The following THSD7B variants were observed in gnomAD, a reference collection of about 807,000 sequenced individuals.
THSD7B encodes thrombospondin type-1 domain-containing protein 7B.
A neutral mutation model predicts 213.6 loss-of-function variants in THSD7B; 138 were observed. The observed-to-expected ratio is 0.65, with a 90% CI of 0.56 to 0.74. THSD7B has a LOEUF of 0.74. Ranked by LOEUF, THSD7B falls within the 30% of genes least tolerant of loss-of-function variation. The probability of loss-of-function intolerance (pLI) is 0.00; values close to 1 mark genes in which losing one functional copy is unlikely to be tolerated. For missense variants in THSD7B, 1,931 were observed against 1,991.5 expected, an observed-to-expected ratio of 0.97 and a Z score of 0.58; for synonymous variants, 742 against 687.0, an observed-to-expected ratio of 1.08 and a Z score of -1.25.
At chr2:136,786,933 A>T (rs1225717567) in intron 1 of THSD7B, among the ~76,000 whole-genome samples, 1 of 152,160 alleles carries the variant, frequency 6.6e-6, no homozygotes, top group Non-Finnish European at 1.5e-5. Flanking sequence ...TATTTAAAAA[A>T]AGGGGGTACA....
chr2:137,330,036 C>T (rs1364184341), intron 12 of THSD7B, among the ~76,000 whole-genome samples: 1 of 152,200 alleles, frequency 6.6e-6, no homozygotes, highest in African/African-American at 2.4e-5. Flanking sequence ...GCTGTTGCTT[C>T]AGAGGGTGCA....
At chr2:137,127,398 C>T (rs1000728411) in intron 5 of THSD7B, among the ~76,000 whole-genome samples, 3 of 152,050 alleles carry the variant, frequency 2.0e-5, no homozygotes, top group South Asian at 2.1e-4. Flanking sequence ...CACTGCATAC[C>T]TAATGATACT....
intron 1 of THSD7B, among the ~76,000 whole-genome samples, chr2:136,835,206 A>G (rs1244408597): frequency 6.6e-6 from 1 of 152,242 alleles, no homozygotes; most frequent in Non-Finnish European, 1.5e-5. Context: ...GTCATACAAC[A>G]AAACATAACA....
At chr2:137,332,973 A>G (rs150557167) in intron 12 of THSD7B, among the ~76,000 whole-genome samples, 8 of 152,310 alleles carry the variant, frequency 5.3e-5, no homozygotes, top group African/African-American at 1.9e-4. Flanking sequence ...ATATTCCTGT[A>G]AAACAGACTT....
At chr2:137,065,832 G>C (rs1470300492) in intron 3 of THSD7B, among the ~76,000 whole-genome samples, 1 of 152,020 alleles carries the variant, frequency 6.6e-6, no homozygotes, top group Non-Finnish European at 1.5e-5. Context: ...GGAGTATTCT[G>C]AATTGCTCTC....
chr2:137,486,229 G>T (rs914360436), intron 15 of THSD7B, among the ~76,000 whole-genome samples: 1 of 152,042 alleles, frequency 6.6e-6, no homozygotes, highest in African/African-American at 2.4e-5. Context: ...AGACCCATCA[G>T]TGTACTGTAT....
At chr2:136,833,478 A>G (rs1289560383) in intron 1 of THSD7B, among the ~76,000 whole-genome samples, 1 of 130,722 alleles carries the variant, frequency 7.6e-6, no homozygotes, top group East Asian at 2.3e-4. Flanking sequence ...TTTAATGACC[A>G]ATCTCTTTCC....
chr2:137,623,517 T>C (rs1682561893), intron 20 of THSD7B, among the ~76,000 whole-genome samples: 1 of 152,098 alleles, frequency 6.6e-6, no homozygotes, highest in Admixed American at 6.6e-5. Flanking sequence ...GGTATTCAAT[T>C]AGGAAAAGAG....
intron 15 of THSD7B, among the ~76,000 whole-genome samples, chr2:137,506,063 C>A (rs1679826695): frequency 6.6e-6 from 1 of 152,074 alleles, no homozygotes; most frequent in South Asian, 2.1e-4. Flanking sequence ...AAAAGCACAT[C>A]CCTGGGGAAG....
intron 16 of THSD7B, among the ~76,000 whole-genome samples, chr2:137,569,319 C>T (rs1032673626): frequency 6.6e-6 from 1 of 152,188 alleles, no homozygotes; most frequent in Admixed American, 6.5e-5. Context: ...GTTTAAGCCA[C>T]TAACTTTGTG....
At chr2:136,820,102 C>T (rs1335625053) in intron 1 of THSD7B, among the ~76,000 whole-genome samples, 1 of 152,144 alleles carries the variant, frequency 6.6e-6, no homozygotes, top group African/African-American at 2.4e-5. Flanking sequence ...TACTAAATAC[C>T]TTATTATTTG....
At chr2:136,963,562 T>A (rs1004528706) in intron 2 of THSD7B, among the ~76,000 whole-genome samples, 1 of 152,130 alleles carries the variant, frequency 6.6e-6, no homozygotes, top group Non-Finnish European at 1.5e-5. Flanking sequence ...GAGGATTGCC[T>A]GAGCCCAGAA....
intron 20 of THSD7B, among the ~76,000 whole-genome samples, chr2:137,623,873 G>A (rs967254044): frequency 1.3e-5 from 2 of 152,166 alleles, no homozygotes; most frequent in Admixed American, 1.3e-4. Flanking sequence ...TGTGTAGGAA[G>A]AATCAATATC....
intron 15 of THSD7B, among the ~76,000 whole-genome samples, chr2:137,491,101 G>A (rs1356880629): frequency 6.6e-6 from 1 of 152,168 alleles, no homozygotes; most frequent in Non-Finnish European, 1.5e-5. Context: ...TGACCCAAGG[G>A]TGAGTAATTT....
intron 15 of THSD7B, among the ~76,000 whole-genome samples, chr2:137,525,074 G>A (rs780882868): frequency 2.0e-5 from 3 of 152,064 alleles, no homozygotes; most frequent in African/African-American, 2.4e-5. Context: ...TCACAATGGT[G>A]GCACAATCTT....
chr2:136,983,502 GTTTT>G (rs35564943), intron 2 of THSD7B, among the ~76,000 whole-genome samples: 2 of 127,916 alleles, frequency 1.6e-5, no homozygotes, highest in African/African-American at 5.5e-5. Context: ...AGTAAAATCT[GTTTT>G]TTTTTTTTTT....
rs143737842 is a variant in THSD7B, at chr2:137,237,307, C to T, written c.2150+4174C>T. ...TTAAATTTTGACAAAAGGCAAGGGG[C>T]CATGTATGCTTACTAGCTAAAAAGT... On this transcript the variant is annotated intron_variant, in intron 9 of 27. Coordinates refer to ENST00000409968, the MANE Select transcript of THSD7B (RefSeq NM_001316349.2). Among the ~76,000 whole-genome samples the T allele has an allele frequency of 1.6e-3, 251 of 152,174 alleles. 1 individual carries two copies. Among genetic ancestry groups the T allele is most frequent in the African/African-American group, 5.9e-3 (243 of 41,506 alleles).
intron 1 of THSD7B, among the ~76,000 whole-genome samples, chr2:136,802,886 C>A (rs981386917): frequency 9.2e-5 from 14 of 151,688 alleles, no homozygotes; most frequent in African/African-American, 3.1e-4. Context: ...TTATTTAGAT[C>A]TTTATTATCA....
At chr2:136,886,963 T>A (rs1173492411) in intron 2 of THSD7B, among the ~76,000 whole-genome samples, 1 of 152,152 alleles carries the variant, frequency 6.6e-6, no homozygotes, top group Non-Finnish European at 1.5e-5. Flanking sequence ...AGGATTTAAA[T>A]ATGTAGTCCT....
Sources: allele counts gnomAD v4.1 joint callset (sites outside exome capture counted in the v4.1 genomes callset), GRCh38; gene constraint gnomAD v4.1.1; transcripts MANE v1.5; gene names NCBI Gene and HGNC (gene_info 2026-07-23, HGNC 2026-07-21).